IL21R: variants seen among roughly 807,000 people sequenced by gnomAD.
IL21R encodes interleukin 21 receptor, also known as interleukin-21 receptor.
Under a neutral mutation model 41.3 loss-of-function variants are expected in IL21R, and 14 were observed. The ratio of observed to expected loss-of-function variants is 0.34; its 90% CI spans 0.22 to 0.53. The LOEUF (loss-of-function observed/expected upper bound fraction) is 0.53. Among genes scored for constraint, IL21R ranks in the 20% least tolerant of loss-of-function variants. The pLI, the probability that IL21R is intolerant of heterozygous loss-of-function variation, is 0.94. For missense variants in IL21R, 588 were observed against 681.6 expected (o/e 0.86, Z 1.53); for synonymous variants, 286 against 287.6 (o/e 0.99, Z 0.05).
At chr16:27,440,289 C>T (rs563105729) in intron 4 of IL21R, among the ~76,000 whole-genome samples, 3 of 120,888 alleles carry the variant, frequency 2.5e-5, no homozygotes, top group South Asian at 2.4e-4. Context: ...AGCGAGCAAG[C>T]GCGCGCCAGG....
chr16:27,430,894 G>A (rs749741978), intron 2 of IL21R, among the ~76,000 whole-genome samples: 10 of 152,216 alleles, frequency 6.6e-5, no homozygotes, highest in Non-Finnish European at 1.5e-4. Flanking sequence ...CCTGGGCTGG[G>A]GACAGGAGGA....
At chr16:27,406,040 C>T (rs2141254549) in intron 1 of IL21R, among the ~76,000 whole-genome samples, 1 of 152,396 alleles carries the variant, frequency 6.6e-6, no homozygotes, top group East Asian at 1.9e-4. Flanking sequence ...AGGACAAGGC[C>T]CTGGGCCTCT....
intron 1 of IL21R, among the ~76,000 whole-genome samples, chr16:27,408,391 A>G (rs2086779649): frequency 6.6e-6 from 1 of 152,260 alleles, no homozygotes; most frequent in African/African-American, 2.4e-5. Context: ...CCTGAAGTCC[A>G]GTATGAATAC....
intron 8 of IL21R, among the ~76,000 whole-genome samples, chr16:27,447,369 G>T (rs2087500092): frequency 6.6e-6 from 1 of 152,042 alleles, no homozygotes. Context: ...TAAGTAATTG[G>T]CTTAAGGGCA....
At chr16:27,446,113 C>A (rs1350856982) in intron 8 of IL21R, 25 bp downstream of exon 8, 13 of 1,596,494 alleles carry the variant, frequency 8.1e-6, no homozygotes, top group Admixed American at 3.4e-5. Context: ...CTGTGATGAG[C>A]TCCTCGGAGC....
intron 3 of IL21R, 104 bp from the exon 4 acceptor site, chr16:27,437,384 C>G (rs2087289255): frequency 2.1e-6 from 2 of 936,818 alleles, no homozygotes; most frequent in Admixed American, 1.9e-5. Context: ...AAATCCCTCC[C>G]AGCCCTGAGA....
intron 4 of IL21R, among the ~76,000 whole-genome samples, chr16:27,441,379 C>T (rs3093406): frequency 0.037 from 5,620 of 152,312 alleles, 147 homozygotes; most frequent in Admixed American, 0.08. Context: ...AACAGAATGC[C>T]GGCTTTGACC....
At chr16:27,445,526 G>C (rs2087461187) in intron 7 of IL21R, among the ~76,000 whole-genome samples, 1 of 152,218 alleles carries the variant, frequency 6.6e-6, no homozygotes, top group African/African-American at 2.4e-5. Context: ...GCAAGGAGAT[G>C]TCAAGGACAA....
chr16:27,405,039 TAA>T, intron 1 of IL21R, among the ~76,000 whole-genome samples: 1 of 150,948 alleles, frequency 6.6e-6, no homozygotes, highest in East Asian at 1.9e-4. Context: ...TTTTTTTTTT[TAA>T]TTTTTTTTTG....
intron 1 of IL21R, among the ~76,000 whole-genome samples, chr16:27,421,335 C>CAA (rs35250936): frequency 0.21 from 17,505 of 83,884 alleles, 1,599 homozygotes; most frequent in East Asian, 0.3. Context: ...TCAATTTCTG[C>CAA]AAAAAAAAAA....
chr16:27,440,244 T>TAGAGAGAGAG (rs1443830356), intron 4 of IL21R, among the ~76,000 whole-genome samples: 7 of 82,588 alleles, frequency 8.5e-5, no homozygotes, highest in African/African-American at 3.7e-4. Flanking sequence ...TATATATATA[T>TAGAGAGAGAG]ATATAGAGAG....
chr16:27,443,782 C>CAA (rs34976912), intron 5 of IL21R, among the ~76,000 whole-genome samples: 1 of 126,100 alleles, frequency 7.9e-6, no homozygotes, highest in Non-Finnish European at 1.7e-5. Flanking sequence ...GACTCGATCT[C>CAA]AAAAAAAAAA....
rs1244923646 is a variant in IL21R, at chr16:27,450,321, G to A, written c.*1038G>A. The A allele has an allele frequency of 1.3e-5, 3 of 231,786 alleles. No individual in the cohort carries two copies. The highest frequency in any genetic ancestry group is 6.6e-5 in the African/African-American group (3 of 45,238). The allele number at this position is 231,786 out of a possible 1,614,324, so 14.4% of individuals were successfully genotyped here. A position where few individuals can be genotyped will look rare whatever the true frequency, so the allele number is the denominator to read the frequency against. The stretch of plus-strand genomic sequence containing the variant: ...ATATTTATTAAACACCAATTACGTA[G>A]CAGGCCATGGCTCATGGGACCCACC... On this transcript the variant is annotated 3_prime_UTR_variant, in exon 9 of 9. Transcript: ENST00000337929.
chr16:27,442,304 C>G (rs1221475328), intron 4 of IL21R, among the ~76,000 whole-genome samples: 1 of 152,102 alleles, frequency 6.6e-6, no homozygotes, highest in Non-Finnish European at 1.5e-5. Flanking sequence ...CCCTAGAAAA[C>G]TTAGAAAAGC....
intron 1 of IL21R, among the ~76,000 whole-genome samples, chr16:27,416,207 G>T (rs1422162507): frequency 6.6e-6 from 1 of 152,146 alleles, no homozygotes; most frequent in Non-Finnish European, 1.5e-5. Flanking sequence ...TGGAGTTGCA[G>T]CTCACTGCAA....
chr16:27,435,781 T>G (rs962095869), intron 3 of IL21R, among the ~76,000 whole-genome samples: 3 of 151,252 alleles, frequency 2.0e-5, no homozygotes, highest in Non-Finnish European at 2.9e-5. Flanking sequence ...TTCTTTCTTT[T>G]TTTTGGAGAC....
intron 1 of IL21R, among the ~76,000 whole-genome samples, chr16:27,418,062 T>G (rs2086922260): frequency 6.8e-6 from 1 of 146,668 alleles, no homozygotes; most frequent in Admixed American, 6.9e-5. Context: ...TTTATTTTAT[T>G]TTATTTATGT....
At chr16:27,432,639 G>A (rs950335584) in intron 2 of IL21R, among the ~76,000 whole-genome samples, 1 of 152,202 alleles carries the variant, frequency 6.6e-6, no homozygotes, top group African/African-American at 2.4e-5. Flanking sequence ...AGATGACACA[G>A]CTACTTAGAG....
At chr16:27,428,526 G>A (rs1377708769) in intron 1 of IL21R, among the ~76,000 whole-genome samples, 1 of 152,250 alleles carries the variant, frequency 6.6e-6, no homozygotes, top group African/African-American at 2.4e-5. Flanking sequence ...TGTCTATAGG[G>A]GCTGGTCTGG....
Sources: allele counts gnomAD v4.1 joint callset (sites outside exome capture counted in the v4.1 genomes callset), GRCh38; gene constraint gnomAD v4.1.1; transcripts MANE v1.5; gene names NCBI Gene and HGNC (gene_info 2026-07-23, HGNC 2026-07-21).